Variants in CUX2 observed in about 807,000 individuals in gnomAD.
CUX2 encodes the protein homeobox protein cut-like 2.
CUX2 carries 40 observed loss-of-function variants against 144.8 expected under a neutral mutation model. The ratio of observed to expected loss-of-function variants is 0.28; its 90% CI spans 0.21 to 0.36. The LOEUF is 0.36. Among genes scored for constraint, CUX2 ranks in the 10% least tolerant of loss-of-function variants. The probability of loss-of-function intolerance (pLI) is 1.00; values close to 1 mark genes in which losing one functional copy is unlikely to be tolerated. For missense variants in CUX2, 1,615 were observed against 1,994.0 expected (o/e 0.81, Z 3.62); for synonymous variants, 827 against 875.6 (o/e 0.94, Z 0.98).
intron 3 of CUX2, among the ~76,000 whole-genome samples, chr12:111,259,884 T>G (rs1295724387): frequency 6.6e-6 from 1 of 151,912 alleles, no homozygotes; most frequent in African/African-American, 2.4e-5. Context: ...AACACTAGCA[T>G]TTCAAAATGT....
At chr12:111,236,372 C>T (rs1882745147) in intron 3 of CUX2, among the ~76,000 whole-genome samples, 2 of 152,198 alleles carry the variant, frequency 1.3e-5, no homozygotes, top group African/African-American at 2.4e-5. Flanking sequence ...CACATACTGA[C>T]TTTAGAAATC....
chr12:111,293,897 T>C lies in CUX2; in HGVS notation c.560+328T>C, dbSNP rs916782965. Among the ~76,000 whole-genome samples the C allele has an allele frequency of 2.6e-5, 4 of 152,226 alleles. No individual in the cohort carries two copies. The highest frequency in any genetic ancestry group is 4.4e-5 in the Non-Finnish European group (3 of 68,032). Reference sequence around the variant, plus strand: ...ATTTTTTAAATGATTAAGACATGTATTCCTAGGACTTAGCTTATGCAGTTG... The same window carrying C: ...ATTTTTTAAATGATTAAGACATGTACTCCTAGGACTTAGCTTATGCAGTTG... On this transcript the variant is annotated intron_variant, in intron 6 of 21. Transcript: ENST00000261726. The surrounding 1 kb of genome is among the most constrained non-coding windows in gnomAD (Gnocchi z 4.5).
At chr12:111,162,271 C>T (rs1027076148) in intron 1 of CUX2, among the ~76,000 whole-genome samples, 41 of 152,238 alleles carry the variant, frequency 2.7e-4, no homozygotes, top group Admixed American at 9.8e-4. Context: ...TCCCCTACCC[C>T]AGCCCAAAGT....
intron 1 of CUX2, among the ~76,000 whole-genome samples, chr12:111,183,818 C>T (rs1474242258): frequency 6.6e-6 from 1 of 152,080 alleles, no homozygotes; most frequent in Admixed American, 6.5e-5. Flanking sequence ...CCCACCACCC[C>T]CTGCAGATAT....
chr12:111,342,815 T>G (rs1382329056), intron 21 of CUX2, among the ~76,000 whole-genome samples: 1 of 151,844 alleles, frequency 6.6e-6, no homozygotes, highest in East Asian at 1.9e-4. Flanking sequence ...AAAAATTAGC[T>G]GGACGTGGTG....
intron 1 of CUX2, among the ~76,000 whole-genome samples, chr12:111,072,621 G>A (rs1439964936): frequency 2.0e-5 from 3 of 152,218 alleles, no homozygotes; most frequent in Non-Finnish European, 4.4e-5. Context: ...GGGGTGCTAG[G>A]CAACTGGGGA....
At chr12:111,105,540 G>A (rs1873549158) in intron 1 of CUX2, among the ~76,000 whole-genome samples, 1 of 152,098 alleles carries the variant, frequency 6.6e-6, no homozygotes, top group Admixed American at 6.5e-5. Flanking sequence ...AGCTCTCCCT[G>A]CCTCTCCAGA....
At chr12:111,219,925 C>G (rs1881748546) in intron 3 of CUX2, among the ~76,000 whole-genome samples, 1 of 152,166 alleles carries the variant, frequency 6.6e-6, no homozygotes, top group South Asian at 2.1e-4. Context: ...GGGTGGATCA[C>G]TTCAGGTCAG....
intron 1 of CUX2, among the ~76,000 whole-genome samples, chr12:111,198,445 A>AT (rs1880374590): frequency 6.6e-6 from 1 of 151,506 alleles, no homozygotes; most frequent in Non-Finnish European, 1.5e-5. Context: ...ACTGCACTCC[A>AT]ACCTGAGGTA....
intron 3 of CUX2, among the ~76,000 whole-genome samples, chr12:111,219,769 C>T (rs1358360526): frequency 6.6e-6 from 1 of 152,134 alleles, no homozygotes; most frequent in South Asian, 2.1e-4. Flanking sequence ...CCACCTCTCC[C>T]ACTTACTAGC....
At chr12:111,195,603 G>T (rs993057931) in intron 1 of CUX2, among the ~76,000 whole-genome samples, 1 of 152,190 alleles carries the variant, frequency 6.6e-6, no homozygotes, top group Non-Finnish European at 1.5e-5. Context: ...GTTCTTCCAC[G>T]CTCTGTCCTT....
At chr12:111,262,997 C>T (rs1327901493) in intron 3 of CUX2, among the ~76,000 whole-genome samples, 2 of 152,210 alleles carry the variant, frequency 1.3e-5, no homozygotes, top group African/African-American at 2.4e-5. Context: ...GAGGTAGGTC[C>T]TGTTATTTAC....
intron 21 of CUX2, among the ~76,000 whole-genome samples, chr12:111,343,185 A>G (rs1036197772): frequency 6.6e-6 from 1 of 152,044 alleles, no homozygotes; most frequent in Non-Finnish European, 1.5e-5. Context: ...CCTGAAACCG[A>G]AAGAAAAACC....
intron 1 of CUX2, among the ~76,000 whole-genome samples, chr12:111,136,487 A>G (rs1433355011): frequency 3.3e-5 from 5 of 152,178 alleles, no homozygotes; most frequent in Non-Finnish European, 5.9e-5. Context: ...CCCCAGCTGC[A>G]TTTGAGCAGC....
chr12:111,260,656 A>T (rs1476750564), intron 3 of CUX2, among the ~76,000 whole-genome samples: 5 of 152,184 alleles, frequency 3.3e-5, no homozygotes, highest in African/African-American at 1.2e-4. Context: ...CAAAACTGTC[A>T]TCCTCCTTAT....
At chr12:111,163,281 G>C (rs1462781554) in intron 1 of CUX2, among the ~76,000 whole-genome samples, 6 of 152,188 alleles carry the variant, frequency 3.9e-5, no homozygotes, top group Non-Finnish European at 8.8e-5. Context: ...GTCTAAAATA[G>C]GTTTTTCTGC....
chr12:111,266,536 A>G (rs1884401782), intron 4 of CUX2, among the ~76,000 whole-genome samples: 1 of 152,040 alleles, frequency 6.6e-6, no homozygotes, highest in Non-Finnish European at 1.5e-5. Context: ...GTGTAAAAAC[A>G]GAGGCACGGT....
chr12:111,103,853 TG>T (rs1873424184), intron 1 of CUX2, among the ~76,000 whole-genome samples: 1 of 152,204 alleles, frequency 6.6e-6, no homozygotes, highest in Admixed American at 6.5e-5. Flanking sequence ...TTCCCCTGTA[TG>T]GGTGGGCTTT....
At chr12:111,069,858 T>C (rs755167435) in intron 1 of CUX2, among the ~76,000 whole-genome samples, 4 of 151,996 alleles carry the variant, frequency 2.6e-5, no homozygotes, top group African/African-American at 7.3e-5. Flanking sequence ...AGGACTTCAG[T>C]TGGGGAGGCG....
Sources: allele counts gnomAD v4.1 joint callset (sites outside exome capture counted in the v4.1 genomes callset), GRCh38; gene constraint gnomAD v4.1.1; non-coding constraint Gnocchi (gnomAD v3.1); transcripts MANE v1.5; gene names NCBI Gene and HGNC (gene_info 2026-07-23, HGNC 2026-07-21).